The following C1QTNF3 variants were observed in gnomAD, a reference collection of about 807,000 sequenced individuals.
C1QTNF3 encodes the protein C1q and TNF related 3.
Under a neutral mutation model 32.6 loss-of-function variants are expected in C1QTNF3, and 26 were observed. The observed-to-expected ratio is 0.80, with a 90% CI of 0.58 to 1.11. The LOEUF (loss-of-function observed/expected upper bound fraction) is 1.11. C1QTNF3 is among the 50% of genes least tolerant of loss of function. The pLI, the probability that C1QTNF3 is intolerant of heterozygous loss-of-function variation, is 0.00. For missense variants in C1QTNF3, 362 were observed against 398.2 expected (o/e 0.91, Z 0.77); for synonymous variants, 155 against 146.0 (o/e 1.06, Z -0.44).
At chr5:34,060,186 T>C in the C1QTNF3 span, among the ~76,000 whole-genome samples, 3 of 152,222 alleles carry the variant, frequency 2.0e-5, no homozygotes, top group African/African-American at 7.2e-5. Flanking sequence ...AGTAAAATAA[T>C]AGACCAAACA....
the C1QTNF3 span, among the ~76,000 whole-genome samples, chr5:34,063,203 T>C: frequency 6.6e-6 from 1 of 152,188 alleles, no homozygotes; most frequent in Non-Finnish European, 1.5e-5. Context: ...TTTTCTTAAC[T>C]ACTTGTATAT....
the C1QTNF3 span, among the ~76,000 whole-genome samples, chr5:34,141,398 G>A: frequency 3.5e-4 from 53 of 152,290 alleles, no homozygotes; most frequent in Middle Eastern, 0.02. Flanking sequence ...GATTACAGGA[G>A]TGAGCCACCG....
At chr5:34,119,865 T>G in the C1QTNF3 span, among the ~76,000 whole-genome samples, 1 of 152,210 alleles carries the variant, frequency 6.6e-6, no homozygotes, top group Non-Finnish European at 1.5e-5. Context: ...ATAATCTTCA[T>G]TTTTAAACGC....
the C1QTNF3 span, among the ~76,000 whole-genome samples, chr5:34,223,417 CATT>C: frequency 1.4e-4 from 20 of 145,954 alleles, no homozygotes; most frequent in Middle Eastern, 3.4e-3. Context: ...TCCAGTCTAT[CATT>C]GTTGGACATT....
chr5:34,130,500 AAGG>A, the C1QTNF3 span, among the ~76,000 whole-genome samples: 1 of 151,434 alleles, frequency 6.6e-6, no homozygotes, highest in Non-Finnish European at 1.5e-5. Flanking sequence ...CCCAAAGTAC[AAGG>A]AGTTTACCAG....
chr5:34,154,016 T>C, the C1QTNF3 span, among the ~76,000 whole-genome samples: 1 of 136,828 alleles, frequency 7.3e-6, no homozygotes, highest in Non-Finnish European at 1.6e-5. Flanking sequence ...AATTATACTT[T>C]ATTAAACCTG....
chr5:34,119,160 A>T, the C1QTNF3 span, among the ~76,000 whole-genome samples: 1 of 152,224 alleles, frequency 6.6e-6, no homozygotes, highest in Non-Finnish European at 1.5e-5. Flanking sequence ...GGTATAACTC[A>T]GAATATTCTT....
At chr5:34,145,944 T>A in the C1QTNF3 span, among the ~76,000 whole-genome samples, 1 of 152,092 alleles carries the variant, frequency 6.6e-6, no homozygotes, top group Admixed American at 6.5e-5. Context: ...AGACTTTTGA[T>A]AAACTCCAAC....
chr5:34,060,009 A>G, the C1QTNF3 span, among the ~76,000 whole-genome samples: 1 of 152,226 alleles, frequency 6.6e-6, no homozygotes, highest in Non-Finnish European at 1.5e-5. Flanking sequence ...CACCTTCCTC[A>G]GGACCTGATT....
chr5:34,207,987 T>C, the C1QTNF3 span, among the ~76,000 whole-genome samples: 3 of 152,150 alleles, frequency 2.0e-5, no homozygotes, highest in African/African-American at 4.8e-5. Context: ...AGACGGGGTT[T>C]CACCGTGTTA....
chr5:34,240,403 G>A, the C1QTNF3 span, among the ~76,000 whole-genome samples: 1 of 150,752 alleles, frequency 6.6e-6, no homozygotes, highest in Admixed American at 6.6e-5. Flanking sequence ...AAAAAGAGAA[G>A]ATCTAAATAT....
At chr5:34,179,632 ACT>A in the C1QTNF3 span, among the ~76,000 whole-genome samples, 2 of 152,228 alleles carry the variant, frequency 1.3e-5, no homozygotes, top group African/African-American at 4.8e-5. Flanking sequence ...CTCTAACAAC[ACT>A]CTTTCTCCCC....
the C1QTNF3 span, among the ~76,000 whole-genome samples, chr5:34,132,435 GTATATATATATA>G: frequency 2.2e-3 from 299 of 137,696 alleles, 5 homozygotes; most frequent in Non-Finnish European, 2.4e-3. Flanking sequence ...GTATGTGTAT[GTATATATATATA>G]TATATATATA....
At chr5:34,049,448 A>G in the C1QTNF3 span, among the ~76,000 whole-genome samples, 1 of 152,152 alleles carries the variant, frequency 6.6e-6, no homozygotes, top group Non-Finnish European at 1.5e-5. Flanking sequence ...TGGAAGTCAA[A>G]CAAGCTTGAT....
chr5:34,219,767 G>A, the C1QTNF3 span: 1 of 152,104 alleles, frequency 6.6e-6, no homozygotes, highest in Non-Finnish European at 1.5e-5. Context: ...GTATTCCCAT[G>A]CCTAGTCAGG....
the C1QTNF3 span, among the ~76,000 whole-genome samples, chr5:34,063,293 CT>C: frequency 8.1e-5 from 7 of 86,672 alleles, no homozygotes; most frequent in African/African-American, 3.4e-4. Flanking sequence ...TCTTCCCTCT[CT>C]CTCCTCTCTC....
chr5:34,026,765 A>C (rs299601), intron 4 of C1QTNF3, among the ~76,000 whole-genome samples: 8,200 of 152,270 alleles, frequency 0.054, 654 homozygotes, highest in East Asian at 0.37. Flanking sequence ...ACCCTCAGTT[A>C]ATTTTTTAAA....
the C1QTNF3 span, chr5:34,164,858 C>T: frequency 1.3e-5 from 2 of 150,774 alleles, no homozygotes; most frequent in African/African-American, 4.9e-5. Flanking sequence ...AGCCTGTAAC[C>T]TTTGAAAGCC....
the C1QTNF3 span, among the ~76,000 whole-genome samples, chr5:34,145,615 TC>T: frequency 7.0e-6 from 1 of 142,704 alleles, no homozygotes; most frequent in Non-Finnish European, 1.5e-5. Flanking sequence ...TGAGGGAGAC[TC>T]CTTCCTAACT....
Sources: allele counts gnomAD v4.1 joint callset (sites outside exome capture counted in the v4.1 genomes callset), GRCh38; gene constraint gnomAD v4.1.1; transcripts MANE v1.5; gene names NCBI Gene and HGNC (gene_info 2026-07-23, HGNC 2026-07-21).